The following GOLM2 variants were observed in gnomAD, a reference collection of about 807,000 sequenced individuals.
GOLM2 encodes golgi membrane protein 2, also known as protein GOLM2.
A neutral mutation model predicts 55.9 loss-of-function variants in GOLM2; 26 were observed. The observed-to-expected ratio is 0.47, with a 90% confidence interval of 0.34 to 0.65. GOLM2 has a LOEUF of 0.65. Ranked by LOEUF, GOLM2 falls within the 30% of genes least tolerant of loss-of-function variation. GOLM2 has a pLI of 0.01. For missense variants in GOLM2, 486 were observed against 531.8 expected, an observed-to-expected ratio of 0.91 and a Z score of 0.85; for synonymous variants, 165 against 194.6, an observed-to-expected ratio of 0.85 and a Z score of 1.27.
intron 8 of GOLM2, among the ~76,000 whole-genome samples, chr15:44,388,728 G>C (rs2079466046): frequency 6.6e-6 from 1 of 152,206 alleles, no homozygotes; most frequent in African/African-American, 2.4e-5. Context: ...TGCCGGGCTG[G>C]ATTCAAACTC....
chr15:44,358,172 G>C (rs2079210251), intron 6 of GOLM2, among the ~76,000 whole-genome samples: 1 of 152,154 alleles, frequency 6.6e-6, no homozygotes, highest in Non-Finnish European at 1.5e-5. Flanking sequence ...TGGCCAACAT[G>C]GCAAAACCCT....
intron 2 of GOLM2, among the ~76,000 whole-genome samples, chr15:44,327,818 A>G (rs1396396832): frequency 6.6e-6 from 1 of 152,212 alleles, no homozygotes; most frequent in Non-Finnish European, 1.5e-5. Flanking sequence ...ATAATTTACT[A>G]TCCAGTTTGG....
chr15:44,359,422 C>T (rs563969216), intron 6 of GOLM2, among the ~76,000 whole-genome samples: 1 of 151,958 alleles, frequency 6.6e-6, no homozygotes, highest in South Asian at 2.1e-4. Context: ...CCCGTCTCTA[C>T]TAAAAATACA....
Position 44,328,713 on chromosome 15 carries a change from T to G in GOLM2, c.411T>G (p.Phe137Leu), listed in dbSNP as rs2079001395. ...KEQLAELRQE[F>L]LRQEDQLQDY... ...AACTTGCTGAGCTTCGTCAGGAATT[T>G]CTTCGACAAGAAGACCAGCTTCAGG... Residue 137 changes from phenylalanine (F) to leucine (L), a missense_variant, in exon 3 of 10, where the codon TTT becomes TTG. Transcript: ENST00000299957. 1 of 1,613,366 alleles carries G rather than the reference T, an allele frequency of 6.2e-7. No individual in the cohort carries two copies. The highest frequency in any genetic ancestry group is 8.5e-7 in the Non-Finnish European group (1 of 1,179,744).
At chr15:44,351,011 C>T (rs8036837) in intron 6 of GOLM2, among the ~76,000 whole-genome samples, 1 of 152,128 alleles carries the variant, frequency 6.6e-6, no homozygotes, top group African/African-American at 2.4e-5. Flanking sequence ...GGCAGACCCA[C>T]AGCTAGTATC....
At chr15:44,311,496 TGTATGTG>T (rs1490096907) in intron 1 of GOLM2, among the ~76,000 whole-genome samples, 5 of 152,080 alleles carry the variant, frequency 3.3e-5, no homozygotes, top group Admixed American at 3.3e-4. Context: ...GTGGTAAGTG[TGTATGTG>T]GTAAAAAACA....
intron 6 of GOLM2, among the ~76,000 whole-genome samples, chr15:44,368,198 C>T (rs2079299203): frequency 1.3e-5 from 2 of 151,736 alleles, no homozygotes; most frequent in Non-Finnish European, 2.9e-5. Flanking sequence ...AGTGCAGTGG[C>T]ATGATATCGG....
At chr15:44,367,896 G>T (rs76994682) in intron 6 of GOLM2, among the ~76,000 whole-genome samples, 2,973 of 151,260 alleles carry the variant, frequency 0.02, 29 homozygotes, top group Non-Finnish European at 0.03. Context: ...TTTTTCTCTA[G>T]ATGCTTTTAA....
chr15:44,402,866 A>G, intron 8 of GOLM2, 21 bp from the exon 9 acceptor site: 2 of 1,611,748 alleles, frequency 1.2e-6, no homozygotes, highest in Non-Finnish European at 1.7e-6. Context: ...CTCTTGAATT[A>G]ATCCTCTACC....
At chr15:44,298,818 T>C (rs544314598) in intron 1 of GOLM2, among the ~76,000 whole-genome samples, 2 of 152,202 alleles carry the variant, frequency 1.3e-5, no homozygotes, top group Non-Finnish European at 1.5e-5. Flanking sequence ...CTAAATCACC[T>C]GTGAATGTTA....
At chr15:44,348,131 G>A (rs547720162) in intron 6 of GOLM2, among the ~76,000 whole-genome samples, 7 of 152,202 alleles carry the variant, frequency 4.6e-5, no homozygotes, top group South Asian at 2.1e-4. Context: ...CAGCAGTAGC[G>A]ACTGCAAGTA....
In GOLM2 at chr15:44,409,270, C is replaced by A. The variant is rs193194149; in HGVS notation, c.1241-4066C>A. 1.6e-4 allele frequency among the ~76,000 whole-genome samples: 23 copies of A among 146,800 alleles called. No homozygotes were observed. In the East Asian group the frequency reaches 4.2e-3, roughly 27 times the overall value. ...CTGCACTCCAGCTTGAGCGACAGAG[C>A]AAGACTCCGTCTCAAAAAAAAAAAG... is the stretch of plus-strand genomic sequence containing the variant. On this transcript the variant is annotated intron_variant, in intron 9 of 9. Transcript: ENST00000299957.
intron 1 of GOLM2, among the ~76,000 whole-genome samples, chr15:44,299,589 T>C (rs2141108759): frequency 6.6e-6 from 1 of 152,212 alleles, no homozygotes; most frequent in East Asian, 1.9e-4. Context: ...TAATATATAC[T>C]GTGTGGCAGT....
At chr15:44,322,631 T>C (rs2078958777) in intron 1 of GOLM2, among the ~76,000 whole-genome samples, 1 of 152,202 alleles carries the variant, frequency 6.6e-6, no homozygotes, top group Non-Finnish European at 1.5e-5. Context: ...CGTATACTTT[T>C]AAGTTCTTAG....
At chr15:44,292,958 G>C (rs532980581) in intron 1 of GOLM2, among the ~76,000 whole-genome samples, 29 of 152,196 alleles carry the variant, frequency 1.9e-4, no homozygotes, top group African/African-American at 5.3e-4. Context: ...GGGACTATAG[G>C]TGCATGCCAC....
At chr15:44,294,277 A>G (rs952924496) in intron 1 of GOLM2, among the ~76,000 whole-genome samples, 2 of 152,134 alleles carry the variant, frequency 1.3e-5, no homozygotes, top group African/African-American at 4.8e-5. Context: ...GGAGAATGGC[A>G]TTAGAAACCA....
chr15:44,297,686 T>G lies in GOLM2; in HGVS notation c.327+8330T>G, dbSNP rs2078766356. The stretch of plus-strand genomic sequence containing the variant: ...ACACCATTCTCCTGCCTCAGCCTCC[T>G]GAGTAGCTAGGACTACAGGCACCCG... On this transcript the variant is annotated intron_variant, in intron 1 of 9. Coordinates refer to ENST00000299957, the MANE Select transcript of GOLM2 (RefSeq NM_138423.4). Among the ~76,000 whole-genome samples the G allele has an allele frequency of 2.6e-5, 4 of 151,184 alleles. No homozygotes were observed. In the South Asian group the frequency reaches 8.4e-4, roughly 32 times the overall value.
chr15:44,406,395 GAAAGAAAA>G (rs763643682), intron 9 of GOLM2: 2 of 151,688 alleles, frequency 1.3e-5, no homozygotes, highest in Non-Finnish European at 2.9e-5. Context: ...CTCAAAAAAA[GAAAGAAAA>G]AAAGAAAAAA....
intron 1 of GOLM2, among the ~76,000 whole-genome samples, chr15:44,303,172 A>G (rs900141097): frequency 6.6e-6 from 1 of 152,142 alleles, no homozygotes; most frequent in Non-Finnish European, 1.5e-5. Context: ...CTAACACTTA[A>G]TATTTCATAC....
Sources: allele counts gnomAD v4.1 joint callset (sites outside exome capture counted in the v4.1 genomes callset), GRCh38; gene constraint gnomAD v4.1.1; transcripts MANE v1.5; gene names NCBI Gene and HGNC (gene_info 2026-07-23, HGNC 2026-07-21).